The following PDZD2 variants were observed in gnomAD, a reference collection of about 807,000 sequenced individuals.
PDZD2 encodes the protein PDZ domain-containing protein 2.
PDZD2 carries 90 observed loss-of-function variants against 220.7 expected under a neutral mutation model. The observed-to-expected ratio is 0.41, with a 90% CI of 0.34 to 0.49. PDZD2 has a LOEUF of 0.49. Ranked by LOEUF, PDZD2 falls within the 20% of genes least tolerant of loss-of-function variation. The pLI, the probability that PDZD2 is intolerant of heterozygous loss-of-function variation, is 0.28. For missense variants in PDZD2, 3,174 were observed against 3,608.5 expected (o/e 0.88, Z 3.08); for synonymous variants, 1,375 against 1,450.5 (o/e 0.95, Z 1.18).
intron 1 of PDZD2, among the ~76,000 whole-genome samples, chr5:31,644,192 G>A (rs1250799472): frequency 3.9e-5 from 6 of 152,122 alleles, no homozygotes; most frequent in East Asian, 1.9e-4. Flanking sequence ...TTTTCCAACC[G>A]GATGGTCTAT....
intron 14 of PDZD2, among the ~76,000 whole-genome samples, chr5:32,065,535 G>T (rs935792129): frequency 1.6e-4 from 25 of 152,090 alleles, no homozygotes; most frequent in Admixed American, 1.4e-3. Context: ...GTTCATTTGT[G>T]GTCCTTGTCC....
At chr5:31,926,474 C>T (rs1306920417) in intron 2 of PDZD2, among the ~76,000 whole-genome samples, 1 of 127,906 alleles carries the variant, frequency 7.8e-6, no homozygotes, top group Non-Finnish European at 1.6e-5. Context: ...TGCAGTGAGC[C>T]GAGATGGCAC....
At position 32,088,784 on chromosome 5, in the gene PDZD2, A is replaced by T; in HGVS notation, c.5336A>T (p.Glu1779Val). 1 of 1,614,036 alleles carries T rather than the reference A, an allele frequency of 6.2e-7. No individual in the cohort carries two copies. The part of the protein sequence containing the change: ...ESVLENLHIS[E>V]SQDLDDLLQK... The stretch of plus-strand genomic sequence containing the variant: ...GTTTTGGAAAACCTCCACATCTCTG[A>T]AAGTCAAGACCTGGATGACTTGCTA... Residue 1779 changes from glutamate to valine, a missense_variant, in exon 20 of 25, where the codon GAA (glutamate) becomes GTA (valine). This residue lies in a region of PDZD2 where 1,861 missense variants were observed against 2,001.0 expected (regional missense o/e 0.93). Coordinates refer to ENST00000438447, the MANE Select transcript of PDZD2 (RefSeq NM_178140.4). This position sits in a 1 kb window ranked among gnomAD's most constrained non-coding sequence, Gnocchi z 4.6.
chr5:31,862,586 A>C (rs572497424), intron 2 of PDZD2, among the ~76,000 whole-genome samples: 175 of 142,586 alleles, frequency 1.2e-3, no homozygotes, highest in African/African-American at 4.3e-3. Context: ...TTTGAGAAGG[A>C]GTTTCACTCT....
At chr5:31,709,517 G>T (rs1013766760) in intron 1 of PDZD2, among the ~76,000 whole-genome samples, 1 of 151,252 alleles carries the variant, frequency 6.6e-6, no homozygotes, top group Non-Finnish European at 1.5e-5. Context: ...GAGAGAAAAG[G>T]TGAGAGCTAG....
intron 2 of PDZD2, among the ~76,000 whole-genome samples, chr5:31,909,874 AT>A (rs1433530588): frequency 6.6e-6 from 1 of 152,206 alleles, no homozygotes; most frequent in Non-Finnish European, 1.5e-5. Context: ...AGACTGTAAT[AT>A]TTATATTCAT....
chr5:31,930,196 CTTT>C (rs760145512), intron 2 of PDZD2, among the ~76,000 whole-genome samples: 93 of 102,514 alleles, frequency 9.1e-4, no homozygotes, highest in African/African-American at 3.5e-3. Flanking sequence ...CTCAGGTATT[CTTT>C]TTTTTTTTTT....
At chr5:31,786,291 C>T (rs1174494861) in intron 1 of PDZD2, among the ~76,000 whole-genome samples, 5 of 152,126 alleles carry the variant, frequency 3.3e-5, no homozygotes, top group African/African-American at 9.7e-5. Context: ...GCTCAGTCTC[C>T]GCACAGTTTA....
chr5:31,656,991 T>C (rs29746), intron 1 of PDZD2, among the ~76,000 whole-genome samples: 119,087 of 152,090 alleles, frequency 0.78, 47,516 homozygotes, highest in Non-Finnish European at 0.86. Flanking sequence ...GAAATGAAGT[T>C]CTTAACATCT....
chr5:32,072,415 TG>T lies in PDZD2; in HGVS notation c.2725+100del. On this transcript the variant is annotated intron_variant, in intron 17 of 24. Transcript: ENST00000438447. The stretch of plus-strand genomic sequence containing the variant: ...GGCGGCTACAATGGTTTAGCTACCC[TG>T]GCGCTGTAATACGAGAAAAGAGCTG... The T allele has an allele frequency of 5.2e-6, 5 of 962,708 alleles. 1 individual carries two copies. The highest frequency in any genetic ancestry group is 5.2e-4 in the Middle Eastern group (2 of 3,828). 59.6% of individuals were successfully genotyped at this position (962,708 alleles called of 1,614,324 possible).
rs939546475 is a variant in PDZD2, at chr5:31,803,105, T to TA, written c.476+3381_476+3382insA. Among the ~76,000 whole-genome samples, 11 of 149,980 alleles carry TA rather than the reference T, an allele frequency of 7.3e-5. No homozygotes were observed. The South Asian group carries it at 8.5e-4, about 12-fold the overall frequency. ...GCCTTTATTTTATTTTATTTTATTT[T>TA]TTTTTTTTGCAGACAGCGTCTTACT... On this transcript the variant is annotated intron_variant, in intron 2 of 24. Coordinates refer to ENST00000438447, the MANE Select transcript of PDZD2 (RefSeq NM_178140.4).
intron 2 of PDZD2, among the ~76,000 whole-genome samples, chr5:31,914,335 G>A (rs938067170): frequency 1.3e-5 from 2 of 152,176 alleles, no homozygotes; most frequent in Non-Finnish European, 2.9e-5. Flanking sequence ...TTCAAGACCA[G>A]CCTGGCCAAG....
chr5:31,733,019 G>A (rs564832191), intron 1 of PDZD2, among the ~76,000 whole-genome samples: 55 of 152,346 alleles, frequency 3.6e-4, no homozygotes, highest in African/African-American at 1.1e-3. Flanking sequence ...GTGAGCCACC[G>A]CGCCCGGCCG....
chr5:31,654,367 C>T (rs1745464100), intron 1 of PDZD2, among the ~76,000 whole-genome samples: 1 of 152,120 alleles, frequency 6.6e-6, no homozygotes, highest in Admixed American at 6.5e-5. Flanking sequence ...AGGCTGCCTC[C>T]TCTTCCTCCT....
At chr5:31,947,472 A>G (rs1378598170) in intron 2 of PDZD2, among the ~76,000 whole-genome samples, 1 of 152,140 alleles carries the variant, frequency 6.6e-6, no homozygotes, top group Non-Finnish European at 1.5e-5. Flanking sequence ...CAGTGCCTCA[A>G]CTTCACCGTC....
At chr5:31,891,193 A>G (rs1443193003) in intron 2 of PDZD2, among the ~76,000 whole-genome samples, 1 of 136,106 alleles carries the variant, frequency 7.3e-6, no homozygotes, top group Non-Finnish European at 1.5e-5. Flanking sequence ...CTGGAGTGCA[A>G]TGGCGCGATC....
chr5:31,820,419 T>C (rs1230442225), intron 2 of PDZD2: 1 of 152,228 alleles, frequency 6.6e-6, no homozygotes, highest in Non-Finnish European at 1.5e-5. Flanking sequence ...ACTTAACACA[T>C]TTGAACACGT....
Position 31,854,915 on chromosome 5 carries a change from A to AGG in PDZD2, c.476+55198_476+55199dup, listed in dbSNP as rs34502149. On this transcript the variant is annotated intron_variant, in intron 2 of 24. Transcript: ENST00000438447. Reference sequence around the variant, plus strand: ...TCCTCCACCGCGGCGCGGAGGGAGGAGGGGGGGGTCCTCCCACAGACCTGG... The same window carrying AGG: ...TCCTCCACCGCGGCGCGGAGGGAGGAGGGGGGGGGGTCCTCCCACAGACCTGG... 2,676 of 918,854 alleles carry AGG rather than the reference A, an allele frequency of 2.9e-3. 5 individuals carry two copies. Among genetic ancestry groups the AGG allele is most frequent in the Non-Finnish European group, 3.3e-3 (2,525 of 769,206 alleles). 56.9% of individuals were successfully genotyped at this position (918,854 alleles called of 1,614,324 possible).
At chr5:31,911,975 A>G (rs1277896768) in intron 2 of PDZD2, among the ~76,000 whole-genome samples, 3 of 152,032 alleles carry the variant, frequency 2.0e-5, no homozygotes, top group Non-Finnish European at 4.4e-5. Flanking sequence ...GTTGTTTCAC[A>G]TTTTCTGCTA....
Sources: allele counts gnomAD v4.1 joint callset (sites outside exome capture counted in the v4.1 genomes callset), GRCh38; gene constraint gnomAD v4.1.1; regional missense constraint gnomAD v4.1.1; non-coding constraint Gnocchi (gnomAD v3.1); transcripts MANE v1.5; gene names NCBI Gene and HGNC (gene_info 2026-07-23, HGNC 2026-07-21).